The following GPR158 variants were observed in gnomAD, a reference collection of about 807,000 sequenced individuals.
The protein encoded by GPR158 is metabotropic glycine receptor.
In GPR158, 30 loss-of-function variants were observed where a neutral mutation model predicts 78.2. The observed-to-expected ratio is 0.38, with a 90% CI of 0.29 to 0.52. GPR158 has a LOEUF of 0.52. Ranked by LOEUF, GPR158 falls within the 20% of genes least tolerant of loss-of-function variation. The probability of loss-of-function intolerance (pLI) is 0.83; values close to 1 mark genes in which losing one functional copy is unlikely to be tolerated. For missense variants in GPR158, 1,463 were observed against 1,523.5 expected, an observed-to-expected ratio of 0.96 and a Z score of 0.66; for synonymous variants, 581 against 591.1, an observed-to-expected ratio of 0.98 and a Z score of 0.25.
chr10:25,384,695 A>C (rs887770147), intron 2 of GPR158, among the ~76,000 whole-genome samples: 1 of 47,622 alleles, frequency 2.1e-5, no homozygotes, highest in Non-Finnish European at 6.2e-5. Context: ...CACAAGTATT[A>C]TTTCTGTTAA....
chr10:25,520,657 C>A (rs1030070318), intron 5 of GPR158, among the ~76,000 whole-genome samples: 1 of 151,558 alleles, frequency 6.6e-6, no homozygotes, highest in Non-Finnish European at 1.5e-5. Flanking sequence ...TGTGCCCCTG[C>A]TGGGGGGTGC....
intron 4 of GPR158, among the ~76,000 whole-genome samples, chr10:25,448,642 T>C (rs1054348502): frequency 7.2e-5 from 11 of 152,228 alleles, no homozygotes; most frequent in Non-Finnish European, 1.2e-4. Flanking sequence ...GAGTAGAGTT[T>C]CCTGGCCACA....
chr10:25,573,631 A>G (rs1837044869), intron 7 of GPR158, among the ~76,000 whole-genome samples: 1 of 152,242 alleles, frequency 6.6e-6, no homozygotes, highest in Non-Finnish European at 1.5e-5. Flanking sequence ...AACATACAAC[A>G]AAAGGGATAT....
chr10:25,440,373 GAAAA>G (rs1268116231), intron 4 of GPR158, among the ~76,000 whole-genome samples: 1 of 152,100 alleles, frequency 6.6e-6, no homozygotes, highest in African/African-American at 2.4e-5. Flanking sequence ...CAGTAAAAGA[GAAAA>G]AAGGCCACTC....
At chr10:25,385,269 C>T (rs1379969084) in intron 2 of GPR158, among the ~76,000 whole-genome samples, 1 of 152,124 alleles carries the variant, frequency 6.6e-6, no homozygotes, top group Non-Finnish European at 1.5e-5. Context: ...CCTCTATGTT[C>T]AACCATGTTG....
chr10:25,522,600 G>T lies in GPR158; in HGVS notation c.1405-28376G>T, dbSNP rs184588350. Among the ~76,000 whole-genome samples the T allele has an allele frequency of 1.8e-3, 268 of 152,300 alleles. 1 individual carries two copies. The highest frequency in any genetic ancestry group is 6.1e-3 in the African/African-American group (255 of 41,554). On this transcript the variant is annotated intron_variant, in intron 5 of 10. Coordinates refer to ENST00000376351, the MANE Select transcript of GPR158 (RefSeq NM_020752.3). ...TTTATGTAATTGAATTCACTATAAA[G>T]ACAGACCTGTGAGTTGCAGAAGGCT...
At chr10:25,455,094 T>C (rs1347331679) in intron 4 of GPR158, among the ~76,000 whole-genome samples, 1 of 152,228 alleles carries the variant, frequency 6.6e-6, no homozygotes, top group Non-Finnish European at 1.5e-5. Context: ...TGGTAAATTA[T>C]TTATTATATT....
intron 1 of GPR158, among the ~76,000 whole-genome samples, chr10:25,214,229 C>T (rs763071429): frequency 1.3e-5 from 2 of 151,714 alleles, no homozygotes; most frequent in South Asian, 2.1e-4. Context: ...CTCCTGACCT[C>T]GTGATCCACC....
intron 5 of GPR158, among the ~76,000 whole-genome samples, chr10:25,517,030 ATCC>A (rs1215513878): frequency 2.0e-5 from 3 of 150,206 alleles, no homozygotes; most frequent in Non-Finnish European, 4.4e-5. Context: ...ATTTGTTTGT[ATCC>A]TCTTTTGTTT....
chr10:25,576,067 T>TC (rs372226846), intron 7 of GPR158, among the ~76,000 whole-genome samples: 2 of 151,070 alleles, frequency 1.3e-5, no homozygotes, highest in African/African-American at 4.8e-5. Context: ...GTTTTTTTTT[T>TC]CCAGTAGCTT....
intron 2 of GPR158, among the ~76,000 whole-genome samples, chr10:25,353,573 T>C (rs1282939127): frequency 6.6e-6 from 1 of 152,062 alleles, no homozygotes; most frequent in Non-Finnish European, 1.5e-5. Flanking sequence ...TGTATGTTTG[T>C]TATATTTTAT....
intron 2 of GPR158, among the ~76,000 whole-genome samples, chr10:25,262,048 C>T (rs1250226676): frequency 2.0e-5 from 3 of 152,088 alleles, no homozygotes; most frequent in South Asian, 4.1e-4. Flanking sequence ...CAAGTTGTTA[C>T]ATGTTCTGAA....
At chr10:25,486,973 T>C (rs1057379570) in intron 5 of GPR158, among the ~76,000 whole-genome samples, 2 of 152,160 alleles carry the variant, frequency 1.3e-5, no homozygotes, top group Admixed American at 6.6e-5. Flanking sequence ...AGAATTCATA[T>C]AGCAAATAAA....
chr10:25,314,048 T>G (rs1472491457), intron 2 of GPR158, among the ~76,000 whole-genome samples: 1 of 152,150 alleles, frequency 6.6e-6, no homozygotes. Flanking sequence ...TTGAGTAAAT[T>G]TTATGAGCTG....
At chr10:25,500,167 G>T (rs10508697) in intron 5 of GPR158, among the ~76,000 whole-genome samples, 15,565 of 152,222 alleles carry the variant, frequency 0.1, 2,295 homozygotes, top group African/African-American at 0.32. Context: ...AACAGAGGAA[G>T]ATACGACAGA....
chr10:25,320,692 T>A (rs999886331), intron 2 of GPR158, among the ~76,000 whole-genome samples: 2 of 152,248 alleles, frequency 1.3e-5, no homozygotes, highest in African/African-American at 4.8e-5. Flanking sequence ...TCTCTTTTCC[T>A]GCTGATTTCT....
intron 4 of GPR158, among the ~76,000 whole-genome samples, chr10:25,417,517 T>C (rs1834679756): frequency 6.6e-6 from 1 of 152,306 alleles, no homozygotes; most frequent in African/African-American, 2.4e-5. Flanking sequence ...CTCCTGGATC[T>C]TGAAAAATAG....
chr10:25,176,268 T>C lies in GPR158; in HGVS notation c.848T>C (p.Val283Ala). 6.2e-7 allele frequency: 1 copy of C among 1,610,206 alleles called. No homozygotes were observed. Among genetic ancestry groups the C allele is most frequent in the African/African-American group, 1.3e-5 (1 of 75,026 alleles). ...ENGSYKPGWL[V>A]TLSSAIYGLQ... ...GGGAGTTACAAGCCCGGGTGGCTGG[T>C]TACTCTTTCCTCTGCCATCTACGGG... The change falls in exon 1 of 11, where the codon GTT becomes GCT. Residue 283 changes from valine to alanine, a missense_variant. Transcript: ENST00000376351. This position sits in a 1 kb window ranked among gnomAD's most constrained non-coding sequence, Gnocchi z 6.3.
chr10:25,458,618 A>G (rs1835320505), intron 4 of GPR158, among the ~76,000 whole-genome samples: 1 of 152,220 alleles, frequency 6.6e-6, no homozygotes, highest in Non-Finnish European at 1.5e-5. Flanking sequence ...AGGCAGCATT[A>G]TTGCCAATCT....
Sources: allele counts gnomAD v4.1 joint callset (sites outside exome capture counted in the v4.1 genomes callset), GRCh38; gene constraint gnomAD v4.1.1; non-coding constraint Gnocchi (gnomAD v3.1); transcripts MANE v1.5; gene names NCBI Gene and HGNC (gene_info 2026-07-23, HGNC 2026-07-21).